Variants in ARHGEF11 observed in about 807,000 individuals in gnomAD.
ARHGEF11 encodes Rho guanine nucleotide exchange factor 11, also known as Rho guanine exchange factor (GEF) 11.
In ARHGEF11, 55 loss-of-function variants were observed where a neutral mutation model predicts 193.7. The ratio of observed to expected loss-of-function variants is 0.28; its 90% CI spans 0.23 to 0.36. ARHGEF11 has a LOEUF of 0.36. ARHGEF11 is among the 10% of genes least tolerant of loss of function. The pLI, the probability that ARHGEF11 is intolerant of heterozygous loss-of-function variation, is 1.00. For synonymous variants in ARHGEF11, 693 were observed against 768.0 expected (o/e 0.90, Z 1.62); for missense variants, 1,723 against 2,005.6 (o/e 0.86, Z 2.69).
In ARHGEF11 at chr1:156,944,848, T is replaced by C. The variant is rs539091422; in HGVS notation, c.2991+171A>G. On this transcript the variant is annotated intron_variant, in intron 30 of 40. Transcript: ENST00000368194. Reference sequence around the variant, plus strand: ...TAGGTGGGGCGGCCTGCCTTGTCCATCTAGGGACAGGGTGACAATAGCAGG... The same window carrying C: ...TAGGTGGGGCGGCCTGCCTTGTCCACCTAGGGACAGGGTGACAATAGCAGG... Among the ~76,000 whole-genome samples, 414 of 152,316 alleles carry C rather than the reference T, an allele frequency of 2.7e-3. 2 individuals carry two copies. Among genetic ancestry groups the C allele is most frequent in the Non-Finnish European group, 3.5e-3 (237 of 68,014 alleles).
intron 1 of ARHGEF11, among the ~76,000 whole-genome samples, chr1:157,019,345 T>C (rs1271188208): frequency 6.6e-6 from 1 of 152,210 alleles, no homozygotes; most frequent in Non-Finnish European, 1.5e-5. Flanking sequence ...GATGTTACTA[T>C]GTATGTACTA....
chr1:156,999,836 C>G (rs983339326), intron 1 of ARHGEF11, among the ~76,000 whole-genome samples: 1 of 152,214 alleles, frequency 6.6e-6, no homozygotes, highest in Non-Finnish European at 1.5e-5. Context: ...CTGTGTGGCA[C>G]TGGGCAAGCC....
In ARHGEF11 at chr1:157,013,259, T is replaced by TCTCACACACA. The variant is rs1553228459; in HGVS notation, c.33-27087_33-27086insTGTGTGTGAG. ...CCCAACTGCTCATAACTCCCCACTA[T>TCTCACACACA]CACTCACACACACACACACACACAC... On this transcript the variant is annotated intron_variant, in intron 1 of 40. Transcript: ENST00000368194. Among the ~76,000 whole-genome samples, 393 of 109,566 alleles carry TCTCACACACA rather than the reference T, an allele frequency of 3.6e-3. 5 individuals are homozygous for TCTCACACACA. The highest frequency in any genetic ancestry group is 0.01 in the Middle Eastern group (2 of 196). The allele number at this position is 109,566 out of a possible 152,430, so 71.9% of individuals were successfully genotyped here.
In ARHGEF11 at chr1:157,038,998, C is replaced by T. The variant is rs371359983; in HGVS notation, c.32+5301G>A. 9.0e-4 allele frequency among the ~76,000 whole-genome samples: 137 copies of T among 152,142 alleles called. 1 individual carries two copies. Among genetic ancestry groups the T allele is most frequent in the Non-Finnish European group, 9.1e-4 (62 of 67,994 alleles). On this transcript the variant is annotated intron_variant, in intron 1 of 40. Coordinates refer to ENST00000368194, the MANE Select transcript of ARHGEF11 (RefSeq NM_198236.3). ...TCATGCCACTGCACTCCAGCCTGGGCGACAGAGTGAGACCCTGTCCCAAAA... is the reference window on the plus strand; with the variant it reads ...TCATGCCACTGCACTCCAGCCTGGGTGACAGAGTGAGACCCTGTCCCAAAA...
intron 38 of ARHGEF11, 104 bp from the exon 39 acceptor site, chr1:156,937,600 C>T: frequency 8.0e-7 from 1 of 1,243,954 alleles, no homozygotes; most frequent in Non-Finnish European, 1.1e-6. Context: ...GCAGGCCAGG[C>T]AGTCCTCTCC....
intron 1 of ARHGEF11, among the ~76,000 whole-genome samples, chr1:157,006,736 T>A (rs1194338750): frequency 6.6e-6 from 1 of 152,210 alleles, no homozygotes; most frequent in Non-Finnish European, 1.5e-5. Context: ...CACCATCTGC[T>A]GGCACCTCCT....
At chr1:156,938,323 T>G in intron 38 of ARHGEF11, 95 bp downstream of exon 38, 2 of 1,106,196 alleles carry the variant, frequency 1.8e-6, no homozygotes, top group Non-Finnish European at 2.6e-6. Context: ...AGCTTGTGGG[T>G]GTGTGTGTGA....
chr1:156,952,434 T>G (rs757426648), intron 21 of ARHGEF11, among the ~76,000 whole-genome samples: 6 of 152,194 alleles, frequency 3.9e-5, no homozygotes, highest in Admixed American at 1.3e-4. Context: ...GGAAGAGAGA[T>G]AAGGAATTCA....
chr1:157,020,154 C>T (rs569997432), intron 1 of ARHGEF11, among the ~76,000 whole-genome samples: 9 of 150,648 alleles, frequency 6.0e-5, no homozygotes, highest in Admixed American at 4.6e-4. Context: ...AAGAGAGAGA[C>T]GGATTACAAA....
At chr1:157,005,562 A>C (rs185593804) in intron 1 of ARHGEF11, among the ~76,000 whole-genome samples, 2 of 152,208 alleles carry the variant, frequency 1.3e-5, no homozygotes, top group Non-Finnish European at 2.9e-5. Context: ...AAATGCCCCC[A>C]AACAGTTCTG....
In ARHGEF11 at chr1:156,958,607, A is replaced by C. The variant is rs1660306344; in HGVS notation, c.1502+135T>G. The C allele has an allele frequency of 7.8e-6, 10 of 1,275,030 alleles. No individual in the cohort carries two copies. In the Admixed American group the frequency reaches 1.0e-4, roughly 13 times the overall value. The allele number at this position is 1,275,030 out of a possible 1,614,324, so 79.0% of individuals were successfully genotyped here. ...AGCCTGACCAATGCAGCAGGAGTGC[A>C]GGACTCCCCATCTTTCAGGGGCAGG... On this transcript the variant is annotated intron_variant, in intron 17 of 40. Coordinates refer to ENST00000368194, the MANE Select transcript of ARHGEF11 (RefSeq NM_198236.3).
At chr1:157,001,938 A>G (rs1571442006) in intron 1 of ARHGEF11, among the ~76,000 whole-genome samples, 1 of 152,358 alleles carries the variant, frequency 6.6e-6, no homozygotes, top group East Asian at 1.9e-4. Context: ...CACGCAGCAC[A>G]GTTTAAATAA....
intron 10 of ARHGEF11, among the ~76,000 whole-genome samples, chr1:156,969,029 G>A (rs892620681): frequency 1.3e-5 from 2 of 152,170 alleles, no homozygotes; most frequent in Admixed American, 6.5e-5. Flanking sequence ...TGCCATGGCC[G>A]CCCTCTCCAC....
chr1:156,969,930 G>A, intron 9 of ARHGEF11, 68 bp downstream of exon 9: 1 of 1,503,948 alleles, frequency 6.6e-7, no homozygotes, highest in Non-Finnish European at 9.2e-7. Context: ...GCCCCATGGG[G>A]AGGGTAAACA....
chr1:156,985,921 T>C, intron 2 of ARHGEF11, 161 bp downstream of exon 2: 1 of 576,064 alleles, frequency 1.7e-6, no homozygotes, highest in Non-Finnish European at 3.1e-6. Context: ...GGTCATCATA[T>C]TGATGCTGAA....
chr1:157,006,363 G>A (rs1001122646), intron 1 of ARHGEF11, among the ~76,000 whole-genome samples: 2 of 152,196 alleles, frequency 1.3e-5, no homozygotes, highest in African/African-American at 4.8e-5. Flanking sequence ...AAGAATCGGA[G>A]GGCCAGTTTA....
intron 33 of ARHGEF11, 36 bp from the exon 34 acceptor site, chr1:156,942,025 G>C (rs201338470): frequency 1.6e-5 from 26 of 1,613,612 alleles, no homozygotes; most frequent in Middle Eastern, 3.3e-4. Context: ...ACTGTAGTGA[G>C]AGCAAGATAG....
rs77641213 is a variant in ARHGEF11, at chr1:156,935,823, C to T, written c.*177G>A. 7.2e-5 allele frequency: 48 copies of T among 669,184 alleles called. No individual in the cohort carries two copies. The highest frequency in any genetic ancestry group is 4.3e-4 in the Middle Eastern group (1 of 2,336). 41.5% of individuals were successfully genotyped at this position (669,184 alleles called of 1,614,324 possible). On this transcript the variant is annotated 3_prime_UTR_variant, in exon 41 of 41. Transcript: ENST00000368194. ...GGGAAAAGACACTGAAACCTGACTCCGACTTGAGCAGACCAAGCAACATGC... is the reference window on the plus strand; with the variant it reads ...GGGAAAAGACACTGAAACCTGACTCTGACTTGAGCAGACCAAGCAACATGC...
rs763333115 is a variant in ARHGEF11 at position 156,947,355 on chromosome 1, C to T, written c.2437G>A (p.Glu813Lys). Residue 813 changes from glutamate (E) to lysine (K), a missense_variant, in exon 26 of 41, where the codon GAG becomes AAG. Around this residue, in one of 5 missense-constraint regions of ARHGEF11, gnomAD observed 491 missense variants for 654.5 expected, o/e 0.75. Transcript: ENST00000368194. Reference sequence around the variant, plus strand: ...TTCGGGAAGAGCCGGGCCAGCTCCTCCCGGGGCATCAGGTTCTCCTTCTTC... The same window carrying T: ...TTCGGGAAGAGCCGGGCCAGCTCCTTCCGGGGCATCAGGTTCTCCTTCTTC... ...RMKKENLMPR[E>K]ELARLFPNLP... 3.7e-6 allele frequency: 6 copies of T among 1,613,862 alleles called. No homozygotes were observed. The Admixed American group carries it at 5.0e-5, about 13-fold the overall frequency.
Sources: allele counts gnomAD v4.1 joint callset (sites outside exome capture counted in the v4.1 genomes callset), GRCh38; gene constraint gnomAD v4.1.1; regional missense constraint gnomAD v4.1.1; transcripts MANE v1.5; gene names NCBI Gene and HGNC (gene_info 2026-07-23, HGNC 2026-07-21).